TRAPPC9: variants seen among roughly 807,000 people sequenced by gnomAD.
TRAPPC9 encodes the protein trafficking protein particle complex subunit 9.
Under a neutral mutation model 124.0 loss-of-function variants are expected in TRAPPC9, and 83 were observed. The observed-to-expected ratio is 0.67, with a 90% CI of 0.56 to 0.80. The LOEUF (loss-of-function observed/expected upper bound fraction) is 0.80. TRAPPC9 is among the 30% of genes least tolerant of loss of function. The pLI, the probability that TRAPPC9 is intolerant of heterozygous loss-of-function variation, is 0.00. For missense variants in TRAPPC9, 1,302 were observed against 1,508.3 expected (o/e 0.86, Z 2.27); for synonymous variants, 638 against 617.5 (o/e 1.03, Z -0.49).
chr8:140,397,972 T>C lies in TRAPPC9; in HGVS notation c.1009-227A>G, dbSNP rs551549738. Among the ~76,000 whole-genome samples the C allele has an allele frequency of 8.5e-5, 13 of 152,342 alleles. No homozygotes were observed. The East Asian group carries it at 2.1e-3, about 25-fold the overall frequency. ...TAGGAGGGACCTGGTGGGAGATCACTGAATCATGGGGGTGGTTTCCCCCAT... is the reference window on the plus strand; with the variant it reads ...TAGGAGGGACCTGGTGGGAGATCACCGAATCATGGGGGTGGTTTCCCCCAT... On this transcript the variant is annotated intron_variant, in intron 6 of 22. Coordinates refer to ENST00000438773, the MANE Select transcript of TRAPPC9 (RefSeq NM_001160372.4).
intron 17 of TRAPPC9, among the ~76,000 whole-genome samples, chr8:140,144,357 G>T (rs140357664): frequency 1.8e-4 from 28 of 152,258 alleles, no homozygotes; most frequent in African/African-American, 6.3e-4. Context: ...TTTACATTTT[G>T]TATGTTTATT....
At chr8:140,171,715 C>T (rs925265914) in intron 17 of TRAPPC9, among the ~76,000 whole-genome samples, 1 of 152,130 alleles carries the variant, frequency 6.6e-6, no homozygotes, top group Non-Finnish European at 1.5e-5. Context: ...CCCCGTGGAC[C>T]CGTAGGAGGA....
At chr8:139,855,686 A>G (rs1466160451) in intron 21 of TRAPPC9, among the ~76,000 whole-genome samples, 1 of 152,140 alleles carries the variant, frequency 6.6e-6, no homozygotes. Flanking sequence ...TCTAATGAAA[A>G]GCCCTACCAA....
chr8:139,799,142 G>C (rs897283857), intron 21 of TRAPPC9, among the ~76,000 whole-genome samples: 2 of 152,156 alleles, frequency 1.3e-5, no homozygotes, highest in Non-Finnish European at 2.9e-5. Flanking sequence ...GTGGGGCCTG[G>C]TGGGAGGTAA....
In TRAPPC9 at chr8:140,452,784, C is replaced by T. The variant is rs933434869; in HGVS notation, c.-10-1401G>A. On this transcript the variant is annotated intron_variant, in intron 1 of 22. Transcript: ENST00000438773. ...ATGAATGCTGCCCCCAGCCTACAGA[C>T]GGTCATGATGGAAATCCCACTGCCT... Among the ~76,000 whole-genome samples the T allele has an allele frequency of 5.3e-5, 8 of 152,306 alleles. No individual in the cohort carries two copies. In the East Asian group the frequency reaches 9.6e-4, roughly 18 times the overall value.
intron 5 of TRAPPC9, among the ~76,000 whole-genome samples, chr8:140,418,987 G>A (rs901892910): frequency 2.0e-5 from 3 of 152,080 alleles, no homozygotes; most frequent in African/African-American, 4.8e-5. Flanking sequence ...ACACCCTTTC[G>A]TGATGGCACT....
chr8:140,023,490 C>G (rs1200747112), intron 18 of TRAPPC9, among the ~76,000 whole-genome samples: 1 of 152,204 alleles, frequency 6.6e-6, no homozygotes. Context: ...GCCAAGATGG[C>G]TGGGAGCTCC....
chr8:139,882,928 A>G (rs1207644613), intron 21 of TRAPPC9, among the ~76,000 whole-genome samples: 1 of 151,662 alleles, frequency 6.6e-6, no homozygotes, highest in Non-Finnish European at 1.5e-5. Flanking sequence ...CTACATTTCC[A>G]AAAGAAATCC....
intron 17 of TRAPPC9, among the ~76,000 whole-genome samples, chr8:140,025,586 GA>G (rs1840095321): frequency 6.9e-6 from 1 of 143,992 alleles, no homozygotes; most frequent in Non-Finnish European, 1.5e-5. Flanking sequence ...AAAAAGAAAA[GA>G]AAAAGGAAAA....
At chr8:140,407,919 G>A (rs1399827376) in intron 5 of TRAPPC9, among the ~76,000 whole-genome samples, 1 of 152,192 alleles carries the variant, frequency 6.6e-6, no homozygotes, top group Non-Finnish European at 1.5e-5. Context: ...ACTGCGTCTA[G>A]CTGATAAACT....
Position 140,291,006 on chromosome 8 carries a change from C to T in TRAPPC9, c.1841G>A (p.Arg614Gln), listed in dbSNP as rs779475002. ...GGTGATACATACCATGTTTTCAACT[C>T]GAAGTTCAAACGGCATTGGGTTATA... ...MVYNPMPFEL[R>Q]VENMGLLTSG... The change falls in exon 12 of 23, where the codon CGA becomes CAA. Residue 614 changes from arginine to glutamine, a missense_variant. Physicochemically the swap from Arg to Gln is conservative, Grantham distance 43. Coordinates refer to ENST00000438773, the MANE Select transcript of TRAPPC9 (RefSeq NM_001160372.4). 2 of 1,614,098 alleles carry T rather than the reference C, an allele frequency of 1.2e-6. No individual in the cohort carries two copies. Among genetic ancestry groups the T allele is most frequent in the Non-Finnish European group, 1.7e-6 (2 of 1,179,982 alleles).
At chr8:140,415,363 G>C (rs775793447) in intron 5 of TRAPPC9, among the ~76,000 whole-genome samples, 1 of 151,732 alleles carries the variant, frequency 6.6e-6, no homozygotes, top group Non-Finnish European at 1.5e-5. Flanking sequence ...AGATGACCTA[G>C]GCCAACATGG....
chr8:140,334,649 CTAAATAAATAAATAAATAAA>C (rs61689098), intron 9 of TRAPPC9, among the ~76,000 whole-genome samples: 1 of 145,940 alleles, frequency 6.9e-6, no homozygotes, highest in Non-Finnish European at 1.5e-5. Flanking sequence ...GACTCTGTCA[CTAAATAAATAAATAAATAAA>C]TAAATAAATA....
intron 17 of TRAPPC9, among the ~76,000 whole-genome samples, chr8:140,215,137 A>G (rs1457652013): frequency 1.3e-5 from 2 of 152,016 alleles, no homozygotes; most frequent in Non-Finnish European, 1.5e-5. Context: ...ACAACCAGAA[A>G]ATGCCGCATG....
intron 21 of TRAPPC9, among the ~76,000 whole-genome samples, chr8:139,831,237 T>C (rs1825971468): frequency 6.6e-6 from 1 of 152,148 alleles, no homozygotes; most frequent in Non-Finnish European, 1.5e-5. Flanking sequence ...CACACATTAG[T>C]TGGACTTGTG....
chr8:140,023,113 CAG>C (rs1839916071), intron 18 of TRAPPC9, among the ~76,000 whole-genome samples: 1 of 152,224 alleles, frequency 6.6e-6, no homozygotes, highest in Admixed American at 6.5e-5. Context: ...CCACCCTACT[CAG>C]ATAGGCAAGA....
In TRAPPC9 at chr8:139,902,066, GTA is replaced by G. The variant is rs1266698875; in HGVS notation, c.2964+8079_2964+8080del. On this transcript the variant is annotated intron_variant, in intron 20 of 22. Coordinates refer to ENST00000438773, the MANE Select transcript of TRAPPC9 (RefSeq NM_001160372.4). ...AATCATCACGCTAAAAATACAGTGT[GTA>G]TATGTCCAACATGTACCTGATCACA... Among the ~76,000 whole-genome samples, 3 of 152,206 alleles carry G rather than the reference GTA, an allele frequency of 2.0e-5. No individual in the cohort carries two copies. In the East Asian group the frequency reaches 5.8e-4, roughly 29 times the overall value.
chr8:140,120,962 C>T lies in TRAPPC9; in HGVS notation c.2557-96883G>A, dbSNP rs115182280. ...AACATCATCCATTCAACCATCCATC[C>T]ACCCTTTCAATCAAGATGTGAGGGG... On this transcript the variant is annotated intron_variant, in intron 17 of 22. Coordinates refer to ENST00000438773, the MANE Select transcript of TRAPPC9 (RefSeq NM_001160372.4). 4.1e-3 allele frequency among the ~76,000 whole-genome samples: 621 copies of T among 152,380 alleles called. 6 individuals carry two copies. The highest frequency in any genetic ancestry group is 0.014 in the African/African-American group (565 of 41,596).
intron 21 of TRAPPC9, among the ~76,000 whole-genome samples, chr8:139,841,162 C>A (rs1017897509): frequency 6.6e-6 from 1 of 152,176 alleles, no homozygotes; most frequent in African/African-American, 2.4e-5. Flanking sequence ...CCCTCGCCCC[C>A]GGCTCCTTCT....
Sources: allele counts gnomAD v4.1 joint callset (sites outside exome capture counted in the v4.1 genomes callset), GRCh38; gene constraint gnomAD v4.1.1; transcripts MANE v1.5; gene names NCBI Gene and HGNC (gene_info 2026-07-23, HGNC 2026-07-21).